Variants in CLTC observed in about 807,000 individuals in gnomAD.
CLTC encodes clathrin heavy chain.
In CLTC, 16 loss-of-function variants were observed where a neutral mutation model predicts 195.8. The observed-to-expected ratio is 0.08, with a 90% CI of 0.06 to 0.12. The LOEUF (loss-of-function observed/expected upper bound fraction) is 0.12. Ranked by LOEUF, CLTC falls within the 10% of genes least tolerant of loss-of-function variation. The pLI is 1.00. For missense variants in CLTC, 796 were observed against 2,027.0 expected (o/e 0.39, Z 11.66); for synonymous variants, 667 against 689.4 (o/e 0.97, Z 0.51).
intron 5 of CLTC, 124 bp from the exon 6 acceptor site, chr17:59,655,730 T>C (rs1469421553): frequency 1.4e-6 from 1 of 697,232 alleles, no homozygotes; most frequent in East Asian, 3.2e-5. Flanking sequence ...TATTAGCTTA[T>C]AATTTTTCAA....
Position 59,666,135 on chromosome 17 carries a change from T to C in CLTC, c.1677T>C (p.Ile559=). The change falls in exon 11 of 32, where the codon ATT becomes ATC. Residue 559 remains isoleucine (I), a synonymous_variant. Coordinates refer to ENST00000269122, the MANE Select transcript of CLTC (RefSeq NM_004859.4). This position sits in a 1 kb window ranked among gnomAD's most constrained non-coding sequence, Gnocchi z 4.9. ...ATGTCTTTATGGAATACAATCTAAT[T>C]CAGCAGTGTACTGCATTCTTGCTTG... ...IVDVFMEYNL[I]QQCTAFLLDA... The C allele has an allele frequency of 6.2e-7, 1 of 1,611,552 alleles. No individual in the cohort carries two copies. Among genetic ancestry groups the C allele is most frequent in the Non-Finnish European group, 8.5e-7 (1 of 1,177,796 alleles).
At chr17:59,636,245 C>T (rs1196967776) in intron 1 of CLTC, among the ~76,000 whole-genome samples, 3 of 152,140 alleles carry the variant, frequency 2.0e-5, no homozygotes, top group Non-Finnish European at 4.4e-5. Flanking sequence ...TGTGTTAAAT[C>T]ACCTTAACCT....
At chr17:59,676,235 C>T (rs1464691328) in intron 16 of CLTC, among the ~76,000 whole-genome samples, 1 of 152,128 alleles carries the variant, frequency 6.6e-6, no homozygotes, top group Non-Finnish European at 1.5e-5. Context: ...TCAGGACTAT[C>T]GAAACAAGCT....
rs1418183892 is a variant in CLTC at position 59,666,166 on chromosome 17, C to T, written c.1708C>T (p.Leu570=). Residue 570 remains leucine, a synonymous_variant, in exon 11 of 32, where the codon CTG becomes TTG. Transcript: ENST00000269122. This position sits in a 1 kb window ranked among gnomAD's most constrained non-coding sequence, Gnocchi z 4.9. ...QQCTAFLLDA[L]KNNRPSEGPL... The stretch of plus-strand genomic sequence containing the variant: ...GTGTACTGCATTCTTGCTTGATGCT[C>T]TGAAGAATAATCGCCCATCTGAAGG... 1.9e-6 allele frequency: 3 copies of T among 1,613,562 alleles called. No homozygotes were observed. Among genetic ancestry groups the T allele is most frequent in the Non-Finnish European group, 2.5e-6 (3 of 1,179,650 alleles).
At chr17:59,679,561 T>C (rs200471739) in intron 18 of CLTC, 42 bp downstream of exon 18, 174 of 1,522,034 alleles carry the variant, frequency 1.1e-4, no homozygotes, top group Non-Finnish European at 1.5e-4. Context: ...GTAAAAATTA[T>C]ACATTTTTAA....
chr17:59,678,445 A>G (rs1276977097), intron 17 of CLTC, among the ~76,000 whole-genome samples: 1 of 152,106 alleles, frequency 6.6e-6, no homozygotes, highest in Non-Finnish European at 1.5e-5. Flanking sequence ...CAGTTTCTCC[A>G]CATTTGTCAG....
At chr17:59,635,305 A>G (rs2031831206) in intron 1 of CLTC, among the ~76,000 whole-genome samples, 1 of 152,222 alleles carries the variant, frequency 6.6e-6, no homozygotes, top group Non-Finnish European at 1.5e-5. Flanking sequence ...GTCATAAACC[A>G]GTTTTCATGT....
Position 59,673,641 on chromosome 17 carries a change from T to C in CLTC, c.2293-6T>C. The stretch of plus-strand genomic sequence containing the variant: ...TAAAGTTTCCTTTTGTTTGTCTTTT[T>C]TTCAGGAAGCAAAACTAACAGATCA... On this transcript the variant is annotated splice_polypyrimidine_tract_variant and splice_region_variant and intron_variant, in intron 14 of 31. Coordinates refer to ENST00000269122, the MANE Select transcript of CLTC (RefSeq NM_004859.4). The C allele has an allele frequency of 6.2e-7, 1 of 1,606,940 alleles. No individual in the cohort carries two copies. Among genetic ancestry groups the C allele is most frequent in the Non-Finnish European group, 8.5e-7 (1 of 1,176,400 alleles).
intron 5 of CLTC, among the ~76,000 whole-genome samples, chr17:59,654,769 C>T (rs888722694): frequency 2.0e-5 from 3 of 152,266 alleles, no homozygotes; most frequent in Non-Finnish European, 4.4e-5. Flanking sequence ...GCATTAGCCA[C>T]TGCACTTGGC....
chr17:59,656,173 A>G, intron 6 of CLTC, 146 bp downstream of exon 6: 1 of 644,014 alleles, frequency 1.6e-6, no homozygotes, highest in South Asian at 2.3e-5. Context: ...AGTAAATAGT[A>G]ACTTTGGATA....
intron 1 of CLTC, among the ~76,000 whole-genome samples, chr17:59,637,254 C>CT (rs944483804): frequency 1.3e-5 from 2 of 150,638 alleles, no homozygotes; most frequent in African/African-American, 2.4e-5. Flanking sequence ...AGTTTCTTTT[C>CT]TTTTTTTTGA....
chr17:59,680,929 G>T lies in CLTC; in HGVS notation c.2937G>T (p.Leu979Phe). The T allele has an allele frequency of 3.1e-6, 5 of 1,613,402 alleles. No individual in the cohort carries two copies. The highest frequency in any genetic ancestry group is 3.4e-6 in the Non-Finnish European group (4 of 1,179,652). ...CTCTGTAGGTTGTACAAACAGCTTT[G>T]TCTGAGACTCAGGACCCTGAAGAAG... ...PLIDQVVQTA[L>F]SETQDPEEVS... The change falls in exon 19 of 32, where the codon TTG (leucine) becomes TTT (phenylalanine). Residue 979 changes from leucine to phenylalanine, a missense_variant. This residue lies in a region of CLTC where 160 missense variants were observed against 448.2 expected (regional missense o/e 0.36). Coordinates refer to ENST00000269122, the MANE Select transcript of CLTC (RefSeq NM_004859.4).
At chr17:59,636,943 T>TG (rs1477445918) in intron 1 of CLTC, among the ~76,000 whole-genome samples, 7 of 148,658 alleles carry the variant, frequency 4.7e-5, no homozygotes, top group Non-Finnish European at 8.9e-5. Flanking sequence ...TTTTTTTTTT[T>TG]TTTTTTTTTT....
chr17:59,678,668 T>G (rs1408771431), intron 17 of CLTC, among the ~76,000 whole-genome samples: 1 of 152,154 alleles, frequency 6.6e-6, no homozygotes, highest in African/African-American at 2.4e-5. Flanking sequence ...AGCCCTGAAG[T>G]CAGTCATTTC....
At chr17:59,625,300 T>C (rs1298211594) in intron 1 of CLTC, among the ~76,000 whole-genome samples, 1 of 151,874 alleles carries the variant, frequency 6.6e-6, no homozygotes, top group African/African-American at 2.4e-5. Flanking sequence ...TATTTTTTGG[T>C]ATTTTTAGTA....
intron 9 of CLTC, 34 bp from the exon 10 acceptor site, chr17:59,664,753 T>G (rs2032689726): frequency 6.2e-7 from 1 of 1,600,240 alleles, no homozygotes; most frequent in Middle Eastern, 1.7e-4. Flanking sequence ...AATTGAAACT[T>G]AGGAGCAGCG....
chr17:59,633,474 C>T (rs1174461248), intron 1 of CLTC, among the ~76,000 whole-genome samples: 1 of 151,960 alleles, frequency 6.6e-6, no homozygotes, highest in Non-Finnish European at 1.5e-5. Flanking sequence ...GCCTGGGCGA[C>T]AGAGCGAGAC....
At chr17:59,630,568 C>A (rs73331138) in intron 1 of CLTC, among the ~76,000 whole-genome samples, 6,289 of 152,084 alleles carry the variant, frequency 0.041, 344 homozygotes, top group African/African-American at 0.13. Flanking sequence ...TGAAGCAGTC[C>A]CTCTCCCATC....
intron 1 of CLTC, among the ~76,000 whole-genome samples, chr17:59,625,911 G>A (rs2031536617): frequency 1.3e-5 from 2 of 152,094 alleles, no homozygotes. Flanking sequence ...ATCTCACAAA[G>A]TTATTATGAG....
Sources: allele counts gnomAD v4.1 joint callset (sites outside exome capture counted in the v4.1 genomes callset), GRCh38; gene constraint gnomAD v4.1.1; regional missense constraint gnomAD v4.1.1; non-coding constraint Gnocchi (gnomAD v3.1); transcripts MANE v1.5; gene names NCBI Gene and HGNC (gene_info 2026-07-23, HGNC 2026-07-21).